Variants in SS18 observed in about 807,000 individuals in gnomAD.
The protein encoded by SS18 is SS18 subunit of BAF chromatin remodeling complex.
In SS18, 28 loss-of-function variants were observed where a neutral mutation model predicts 72.5. That is an observed-to-expected ratio of 0.39 (90% CI 0.29 to 0.53). SS18 has a LOEUF of 0.53. Ranked by LOEUF, SS18 falls within the 20% of genes least tolerant of loss-of-function variation. The probability of loss-of-function intolerance (pLI) is 0.76; values close to 1 mark genes in which losing one functional copy is unlikely to be tolerated. For synonymous variants in SS18, 172 were observed against 164.2 expected, an observed-to-expected ratio of 1.05 and a Z score of -0.37; for missense variants, 518 against 535.3, an observed-to-expected ratio of 0.97 and a Z score of 0.32.
intron 2 of SS18, 28 bp from the exon 3 acceptor site, chr18:26,078,188 TA>T (rs2054451264): frequency 6.5e-7 from 1 of 1,537,348 alleles, no homozygotes; most frequent in South Asian, 1.2e-5. Flanking sequence ...GTATCAGTAT[TA>T]AAAAATAATT....
Position 26,063,253 on chromosome 18 carries a change from T to C in SS18, c.232-5511A>G, listed in dbSNP as rs563942210. Among the ~76,000 whole-genome samples, 334 of 152,226 alleles carry C rather than the reference T, an allele frequency of 2.2e-3. 1 individual carries two copies. The highest frequency in any genetic ancestry group is 7.8e-3 in the African/African-American group (326 of 41,538). ...GAAATCAGTAGGCCGGGTGCGGTGG[T>C]TCATGCCTGTAATCCCAGCACTTTG... On this transcript the variant is annotated intron_variant, in intron 3 of 10. Coordinates refer to ENST00000415083, the MANE Select transcript of SS18 (RefSeq NM_001007559.3).
At chr18:26,028,178 T>C (rs1015241590) in intron 10 of SS18, among the ~76,000 whole-genome samples, 2 of 152,060 alleles carry the variant, frequency 1.3e-5, no homozygotes, top group African/African-American at 4.8e-5. Context: ...GAAATATAGG[T>C]AGCAAATAAG....
At chr18:26,071,739 G>C (rs1450869022) in intron 3 of SS18, among the ~76,000 whole-genome samples, 1 of 152,076 alleles carries the variant, frequency 6.6e-6, no homozygotes, top group African/African-American at 2.4e-5. Context: ...ATGGCAGGAA[G>C]ATTTCTTGAG....
chr18:26,049,764 T>C (rs936194099), intron 5 of SS18, among the ~76,000 whole-genome samples: 2 of 152,130 alleles, frequency 1.3e-5, no homozygotes, highest in African/African-American at 2.4e-5. Context: ...GATCCTCCCA[T>C]TTCAGCCTCC....
At chr18:26,065,448 A>G (rs1311465085) in intron 3 of SS18, among the ~76,000 whole-genome samples, 1 of 152,124 alleles carries the variant, frequency 6.6e-6, no homozygotes, top group African/African-American at 2.4e-5. Flanking sequence ...GATCTTTCCA[A>G]TAAATGGTGC....
chr18:26,056,674 A>C (rs1376720069), intron 4 of SS18, among the ~76,000 whole-genome samples: 8 of 152,242 alleles, frequency 5.3e-5, no homozygotes, highest in Non-Finnish European at 8.8e-5. Context: ...AGTATCCTAA[A>C]GATGCCAATT....
chr18:26,078,394 T>C lies in SS18; in HGVS notation c.147-234A>G, dbSNP rs527339684. 27 of 356,428 alleles carry C rather than the reference T, an allele frequency of 7.6e-5. 1 individual carries two copies. Among genetic ancestry groups the C allele is most frequent in the South Asian group, 3.2e-4 (6 of 18,574 alleles). The allele number at this position is 356,428 out of a possible 1,614,324, so 22.1% of individuals were successfully genotyped here. On this transcript the variant is annotated intron_variant, in intron 2 of 10. Coordinates refer to ENST00000415083, the MANE Select transcript of SS18 (RefSeq NM_001007559.3). ...AGTGTTATAATTTTTTATATGCATA[T>C]ATGTTTCAATCCACAAACCAATACT...
Position 26,078,892 on chromosome 18 carries a change from G to GA in SS18, c.147-733dup, listed in dbSNP as rs566701854. ...ACAGAGTGAGACTCCATCTCAAAAA[G>GA]AAAAAAAAGAAATATGCTTATCCCT... is the stretch of plus-strand genomic sequence containing the variant. On this transcript the variant is annotated intron_variant, in intron 2 of 10. Transcript: ENST00000415083. The GA allele has an allele frequency of 4.2e-3, 638 of 151,858 alleles. 4 individuals are homozygous for GA. Among genetic ancestry groups the GA allele is most frequent in the African/African-American group, 0.015 (606 of 41,412 alleles). The allele number at this position is 151,858 out of a possible 1,614,324, so 9.4% of individuals were successfully genotyped here. A position where few individuals can be genotyped will look rare whatever the true frequency, so the allele number is the denominator to read the frequency against.
intron 4 of SS18, among the ~76,000 whole-genome samples, chr18:26,054,014 T>C (rs1193299919): frequency 6.6e-6 from 1 of 152,186 alleles, no homozygotes; most frequent in African/African-American, 2.4e-5. Flanking sequence ...AATCCGTAAA[T>C]GCTCATGTCC....
intron 4 of SS18, among the ~76,000 whole-genome samples, chr18:26,055,967 C>A (rs1006006677): frequency 1.6e-4 from 25 of 151,982 alleles, no homozygotes; most frequent in Non-Finnish European, 2.1e-4. Context: ...TCATGTTGGC[C>A]AGGATGGTCT....
At chr18:26,057,943 T>C (rs1568014139) in intron 3 of SS18, among the ~76,000 whole-genome samples, 1 of 152,208 alleles carries the variant, frequency 6.6e-6, no homozygotes, top group Non-Finnish European at 1.5e-5. Context: ...AAAATCTCAG[T>C]AGTGAAAATT....
intron 10 of SS18, among the ~76,000 whole-genome samples, chr18:26,024,168 C>T (rs12959807): frequency 0.055 from 8,422 of 152,198 alleles, 267 homozygotes; most frequent in East Asian, 0.13. Flanking sequence ...AAGTAAACTA[C>T]TGTTGCTGGA....
intron 10 of SS18, among the ~76,000 whole-genome samples, chr18:26,029,213 T>C (rs1231677652): frequency 6.6e-6 from 1 of 152,110 alleles, no homozygotes; most frequent in East Asian, 1.9e-4. Context: ...GGTTGGGATA[T>C]AAATATGCAG....
intron 5 of SS18, among the ~76,000 whole-genome samples, chr18:26,047,559 C>T (rs2053848177): frequency 6.6e-6 from 1 of 152,092 alleles, no homozygotes; most frequent in South Asian, 2.1e-4. Flanking sequence ...AAATTCCAGC[C>T]GGGCGTGGTG....
chr18:26,066,233 A>G (rs549775077), intron 3 of SS18, among the ~76,000 whole-genome samples: 3 of 152,166 alleles, frequency 2.0e-5, no homozygotes, highest in Admixed American at 6.5e-5. Context: ...GGAGCCCCCA[A>G]TCATCTAGTA....
At chr18:26,027,092 A>C (rs2053458653) in intron 10 of SS18, among the ~76,000 whole-genome samples, 1 of 152,234 alleles carries the variant, frequency 6.6e-6, no homozygotes, top group Admixed American at 6.5e-5. Flanking sequence ...TGACAAGCTG[A>C]TTCTAAAATT....
At chr18:26,064,412 T>C (rs549233368) in intron 3 of SS18, among the ~76,000 whole-genome samples, 2 of 152,186 alleles carry the variant, frequency 1.3e-5, no homozygotes, top group South Asian at 4.1e-4. Flanking sequence ...TCCAGACTTA[T>C]TAAAAAGATA....
At chr18:26,085,339 C>T (rs1360852773) in intron 2 of SS18, among the ~76,000 whole-genome samples, 1 of 152,096 alleles carries the variant, frequency 6.6e-6, no homozygotes, top group Non-Finnish European at 1.5e-5. Context: ...CTGGCCAAAA[C>T]AAAAAGTTCT....
intron 2 of SS18, among the ~76,000 whole-genome samples, chr18:26,083,511 A>G (rs1485427416): frequency 6.6e-6 from 1 of 152,204 alleles, no homozygotes; most frequent in African/African-American, 2.4e-5. Context: ...ATAGCTTACT[A>G]CACACCTAGG....
Sources: allele counts gnomAD v4.1 joint callset (sites outside exome capture counted in the v4.1 genomes callset), GRCh38; gene constraint gnomAD v4.1.1; transcripts MANE v1.5; gene names NCBI Gene and HGNC (gene_info 2026-07-23, HGNC 2026-07-21).